TTLL11: variants seen among roughly 807,000 people sequenced by gnomAD.
TTLL11 encodes tubulin tyrosine ligase like 11, also known as tubulin polyglutamylase TTLL11.
In TTLL11, 42 loss-of-function variants were observed where a neutral mutation model predicts 51.7. The ratio of observed to expected loss-of-function variants is 0.81; its 90% CI spans 0.64 to 1.05. The LOEUF (loss-of-function observed/expected upper bound fraction) is 1.05, where lower values mean the gene tolerates loss of function less well. Among genes scored for constraint, TTLL11 ranks in the 50% least tolerant of loss-of-function variants. The probability of loss-of-function intolerance (pLI) is 0.00; values close to 1 mark genes in which losing one functional copy is unlikely to be tolerated. For missense variants in TTLL11, 799 were observed against 940.4 expected, an observed-to-expected ratio of 0.85 and a Z score of 1.97; for synonymous variants, 381 against 383.5, an observed-to-expected ratio of 0.99 and a Z score of 0.08.
intron 6 of TTLL11, among the ~76,000 whole-genome samples, chr9:121,917,135 G>C (rs1840352899): frequency 6.6e-6 from 1 of 152,094 alleles, no homozygotes; most frequent in African/African-American, 2.4e-5. Context: ...CCCAATTCTG[G>C]CTAATGCGAT....
At chr9:122,015,539 G>A (rs138024944) in intron 3 of TTLL11, among the ~76,000 whole-genome samples, 10 of 152,212 alleles carry the variant, frequency 6.6e-5, no homozygotes, top group East Asian at 3.9e-4. Flanking sequence ...CAGGGATGCC[G>A]TGCTTCAGAA....
At chr9:122,088,608 G>A (rs1846185882) in intron 1 of TTLL11, among the ~76,000 whole-genome samples, 1 of 152,124 alleles carries the variant, frequency 6.6e-6, no homozygotes, top group Non-Finnish European at 1.5e-5. Context: ...TCAAACAATT[G>A]TATATATGTA....
intron 6 of TTLL11, among the ~76,000 whole-genome samples, chr9:121,925,720 G>A (rs1489173237): frequency 6.6e-6 from 1 of 152,190 alleles, no homozygotes; most frequent in Non-Finnish European, 1.5e-5. Flanking sequence ...AGCAGGGGCT[G>A]GTCTCTGAAT....
intron 8 of TTLL11, among the ~76,000 whole-genome samples, chr9:121,826,553 G>GCATATATATATATATATA (rs1836802638): frequency 2.2e-5 from 1 of 45,224 alleles, no homozygotes; most frequent in Non-Finnish European, 3.7e-5. Flanking sequence ...ATATATATGT[G>GCATATATATATATATATA]TGTGTATATA....
In TTLL11 at chr9:122,021,821, G is replaced by A. The variant is rs138750453; in HGVS notation, c.693+9902C>T. Among the ~76,000 whole-genome samples, 424 of 152,192 alleles carry A rather than the reference G, an allele frequency of 2.8e-3. 2 individuals carry two copies. Among genetic ancestry groups the A allele is most frequent in the African/African-American group, 9.5e-3 (396 of 41,542 alleles). ...AACTCCCAGACATGAAAAAAACATC[G>A]TGATATGGGCCACAATGAAGAGAAA... On this transcript the variant is annotated intron_variant, in intron 3 of 8. Coordinates refer to ENST00000321582, the MANE Select transcript of TTLL11 (RefSeq NM_001139442.2).
chr9:121,913,580 T>G (rs1376104240), intron 6 of TTLL11, among the ~76,000 whole-genome samples: 1 of 152,200 alleles, frequency 6.6e-6, no homozygotes, highest in East Asian at 1.9e-4. Flanking sequence ...TACTTTATGC[T>G]TAATGGAAAA....
chr9:122,035,112 G>C (rs974205726), intron 2 of TTLL11, among the ~76,000 whole-genome samples: 1 of 152,134 alleles, frequency 6.6e-6, no homozygotes, highest in Admixed American at 6.5e-5. Flanking sequence ...CCTTTTCTTT[G>C]TTCTCTCCAA....
intron 1 of TTLL11, among the ~76,000 whole-genome samples, chr9:122,040,205 G>A (rs1844812025): frequency 6.6e-6 from 1 of 152,184 alleles, no homozygotes; most frequent in East Asian, 1.9e-4. Flanking sequence ...GTGTGGGAGG[G>A]AAAGCAGAGA....
chr9:121,967,916 T>G (rs1367065058), intron 6 of TTLL11, among the ~76,000 whole-genome samples: 1 of 152,202 alleles, frequency 6.6e-6, no homozygotes, highest in Non-Finnish European at 1.5e-5. Context: ...GGTATGATTC[T>G]ATTCAGATGA....
intron 1 of TTLL11, among the ~76,000 whole-genome samples, chr9:122,048,456 T>C (rs1319001402): frequency 1.3e-5 from 2 of 152,216 alleles, no homozygotes; most frequent in Admixed American, 1.3e-4. Context: ...TGTGAGGCAC[T>C]GAACCCAGCC....
At chr9:121,964,026 A>G (rs900533220) in intron 6 of TTLL11, among the ~76,000 whole-genome samples, 8 of 152,122 alleles carry the variant, frequency 5.3e-5, no homozygotes, top group Non-Finnish European at 8.8e-5. Flanking sequence ...TGAAAATATG[A>G]TGAAATTTCT....
chr9:121,974,090 AGGCTGG>A lies in TTLL11; in HGVS notation c.1394_1399del (p.Pro465_Ser466del). 6.4e-7 allele frequency: 1 copy of A among 1,551,678 alleles called. No homozygotes were observed. Among genetic ancestry groups the A allele is most frequent in the Non-Finnish European group, 8.7e-7 (1 of 1,146,986 alleles). On this transcript the variant is annotated inframe_deletion, in exon 6 of 9. Transcript: ENST00000321582. ...AGCCACTTTCACTTCTTCATCAACG[AGGCTGG>A]GGACATTTTCAAACACCCCTGGAGA...
chr9:121,992,011 G>A (rs1025969997), intron 3 of TTLL11, among the ~76,000 whole-genome samples: 1 of 152,082 alleles, frequency 6.6e-6, no homozygotes, highest in South Asian at 2.1e-4. Context: ...TTGTTCCTCC[G>A]CTTACTGTAG....
intron 6 of TTLL11, among the ~76,000 whole-genome samples, chr9:121,972,817 C>G (rs893619091): frequency 6.6e-6 from 1 of 152,238 alleles, no homozygotes; most frequent in Non-Finnish European, 1.5e-5. Context: ...AGGGTTCTAA[C>G]GTGCAGCCAA....
intron 6 of TTLL11, among the ~76,000 whole-genome samples, chr9:121,952,911 C>T (rs1439702329): frequency 6.6e-6 from 1 of 152,080 alleles, no homozygotes; most frequent in Non-Finnish European, 1.5e-5. Context: ...ATATTTTGGC[C>T]CTTATCCTCT....
At chr9:122,018,914 A>G (rs1410106187) in intron 3 of TTLL11, among the ~76,000 whole-genome samples, 1 of 152,246 alleles carries the variant, frequency 6.6e-6, no homozygotes, top group Non-Finnish European at 1.5e-5. Context: ...CTGAGAAAAG[A>G]GACTCCCCGA....
chr9:121,845,162 A>G (rs1224672054), intron 8 of TTLL11, among the ~76,000 whole-genome samples: 3 of 152,208 alleles, frequency 2.0e-5, no homozygotes, highest in East Asian at 3.8e-4. Flanking sequence ...TAAGGTATAT[A>G]TGCCTTAGGT....
At chr9:121,842,787 C>T (rs1213469654) in intron 8 of TTLL11, among the ~76,000 whole-genome samples, 1 of 152,194 alleles carries the variant, frequency 6.6e-6, no homozygotes, top group Non-Finnish European at 1.5e-5. Context: ...CCCGGAGAAT[C>T]TCTGAAAGGT....
chr9:122,031,534 A>G (rs1024439281), intron 3 of TTLL11, among the ~76,000 whole-genome samples, 189 bp downstream of exon 3: 3 of 152,150 alleles, frequency 2.0e-5, no homozygotes, highest in African/African-American at 7.2e-5. Context: ...CAGTTTACCT[A>G]CCTGTCACCC....
Sources: allele counts gnomAD v4.1 joint callset (sites outside exome capture counted in the v4.1 genomes callset), GRCh38; gene constraint gnomAD v4.1.1; transcripts MANE v1.5; gene names NCBI Gene and HGNC (gene_info 2026-07-23, HGNC 2026-07-21).